The following CA10 variants were observed in gnomAD, a reference collection of about 807,000 sequenced individuals.
The protein encoded by CA10 is carbonic anhydrase-related protein 10.
In CA10, 14 loss-of-function variants were observed where a neutral mutation model predicts 44.2. The ratio of observed to expected loss-of-function variants is 0.32; its 90% CI spans 0.21 to 0.50. The LOEUF (loss-of-function observed/expected upper bound fraction) is 0.50. Ranked by LOEUF, CA10 falls within the 20% of genes least tolerant of loss-of-function variation. The pLI, the probability that CA10 is intolerant of heterozygous loss-of-function variation, is 0.99. For missense variants in CA10, 350 were observed against 409.7 expected, an observed-to-expected ratio of 0.85 and a Z score of 1.26; for synonymous variants, 159 against 141.6, an observed-to-expected ratio of 1.12 and a Z score of -0.87.
At chr17:51,729,359 C>T (rs895018701) in intron 4 of CA10, among the ~76,000 whole-genome samples, 1 of 151,804 alleles carries the variant, frequency 6.6e-6, no homozygotes, top group African/African-American at 2.4e-5. Context: ...GTGTGTATCA[C>T]CACACACACA....
At chr17:51,973,079 A>T (rs1013660038) in intron 2 of CA10, among the ~76,000 whole-genome samples, 5 of 152,324 alleles carry the variant, frequency 3.3e-5, no homozygotes, top group African/African-American at 1.2e-4. Flanking sequence ...TAGCATCACC[A>T]ATTTCAGTTC....
chr17:51,930,446 G>T (rs1257334957), intron 3 of CA10, among the ~76,000 whole-genome samples: 1 of 152,208 alleles, frequency 6.6e-6, no homozygotes, highest in East Asian at 1.9e-4. Context: ...GAGGGATTTA[G>T]GTGTGAGAAT....
intron 3 of CA10, among the ~76,000 whole-genome samples, chr17:51,860,938 T>C (rs1447006060): frequency 2.0e-5 from 3 of 152,290 alleles, no homozygotes; most frequent in African/African-American, 7.2e-5. Context: ...CTGTGGGCTG[T>C]ATTGCGCTGA....
At chr17:51,871,394 A>ATTTTTTT (rs11438821) in intron 3 of CA10, among the ~76,000 whole-genome samples, 2 of 81,294 alleles carry the variant, frequency 2.5e-5, no homozygotes, top group Non-Finnish European at 4.4e-5. Context: ...ACCAGGCCTA[A>ATTTTTTT]TTTTTTTTTT....
At chr17:51,787,634 G>T (rs143930692) in intron 3 of CA10, among the ~76,000 whole-genome samples, 1 of 151,976 alleles carries the variant, frequency 6.6e-6, no homozygotes, top group Non-Finnish European at 1.5e-5. Flanking sequence ...TGGACTACAG[G>T]TGCACACCAC....
intron 3 of CA10, among the ~76,000 whole-genome samples, chr17:51,876,915 T>C (rs1980106866): frequency 6.6e-6 from 1 of 152,196 alleles, no homozygotes; most frequent in Non-Finnish European, 1.5e-5. Context: ...TTTTTTGCCA[T>C]TCTGTAATTA....
At chr17:51,927,471 C>A (rs1982479191) in intron 3 of CA10, among the ~76,000 whole-genome samples, 1 of 152,148 alleles carries the variant, frequency 6.6e-6, no homozygotes, top group African/African-American at 2.4e-5. Context: ...AAACTCACGA[C>A]CTTTCAATAC....
At chr17:51,954,861 G>A (rs774782479) in intron 2 of CA10, among the ~76,000 whole-genome samples, 1 of 152,196 alleles carries the variant, frequency 6.6e-6, no homozygotes, top group Non-Finnish European at 1.5e-5. Flanking sequence ...CGTGTCGAGG[G>A]ATGAGGCTTC....
At chr17:51,995,925 T>C (rs73987350) in intron 2 of CA10, among the ~76,000 whole-genome samples, 2,724 of 152,136 alleles carry the variant, frequency 0.018, 87 homozygotes, top group African/African-American at 0.062. Context: ...TTTCTCTCAA[T>C]CAACTTCCCA....
At chr17:52,120,755 G>T (rs1228015036) in intron 1 of CA10, among the ~76,000 whole-genome samples, 1 of 152,190 alleles carries the variant, frequency 6.6e-6, no homozygotes, top group East Asian at 1.9e-4. Context: ...GGGGGAGAAG[G>T]CTAGCCTCTT....
At chr17:52,104,229 G>A (rs970604996) in intron 1 of CA10, among the ~76,000 whole-genome samples, 2 of 149,848 alleles carry the variant, frequency 1.3e-5, no homozygotes, top group Admixed American at 6.7e-5. Context: ...TCTGGTTCTG[G>A]CTCTGTCACC....
intron 6 of CA10, 82 bp from the exon 7 acceptor site, chr17:51,636,091 TATACATATAC>T: frequency 1.8e-6 from 1 of 545,958 alleles, no homozygotes; most frequent in Non-Finnish European, 3.0e-6. Context: ...CATACATACA[TATACATATAC>T]ATATACATAC....
At chr17:52,067,115 GA>G (rs1418169280) in intron 2 of CA10, among the ~76,000 whole-genome samples, 1 of 152,228 alleles carries the variant, frequency 6.6e-6, no homozygotes, top group Non-Finnish European at 1.5e-5. Context: ...AGACAATGGG[GA>G]AAATGTCTCC....
At chr17:51,713,029 T>C (rs1440173375) in intron 4 of CA10, among the ~76,000 whole-genome samples, 1 of 152,218 alleles carries the variant, frequency 6.6e-6, no homozygotes, top group Non-Finnish European at 1.5e-5. Flanking sequence ...AAGCTATCTC[T>C]GGTTCTAGAG....
rs566374812 is a variant in CA10 at position 52,032,143 on chromosome 17, C to T, written c.136+40176G>A. 4.9e-4 allele frequency among the ~76,000 whole-genome samples: 75 copies of T among 152,264 alleles called. 1 individual carries two copies. The highest frequency in any genetic ancestry group is 3.0e-3 in the Admixed American group (46 of 15,290). ...CACTATCACTACAGCCCAGTGAATG[C>T]TTTAAATCCCAGACATGGTTAAAAA... On this transcript the variant is annotated intron_variant, in intron 2 of 8. Transcript: ENST00000451037.
intron 2 of CA10, among the ~76,000 whole-genome samples, chr17:51,953,280 T>A (rs1477945926): frequency 6.6e-6 from 1 of 152,130 alleles, no homozygotes; most frequent in African/African-American, 2.4e-5. Context: ...ATTGAAAAAC[T>A]TTTTTCCTAA....
chr17:51,687,935 T>C (rs1430785648), intron 4 of CA10, among the ~76,000 whole-genome samples: 1 of 152,234 alleles, frequency 6.6e-6, no homozygotes, highest in Admixed American at 6.5e-5. Flanking sequence ...TTCCCTCTCA[T>C]GTTGCGTAGA....
chr17:52,068,898 T>C (rs1292171512), intron 2 of CA10, among the ~76,000 whole-genome samples: 1 of 152,146 alleles, frequency 6.6e-6, no homozygotes, highest in Non-Finnish European at 1.5e-5. Context: ...ATCAACAGAA[T>C]GGGGTGACAG....
chr17:52,041,605 A>G (rs1986770426), intron 2 of CA10, among the ~76,000 whole-genome samples: 1 of 151,958 alleles, frequency 6.6e-6, no homozygotes, highest in Non-Finnish European at 1.5e-5. Context: ...CACAAGATCT[A>G]CTCCTTTCGT....
Sources: gnomAD v4.1 joint callset for allele counts (sites outside exome capture counted in the v4.1 genomes callset) on GRCh38, gnomAD v4.1.1 for gene constraint, MANE v1.5 for transcripts, NCBI Gene and HGNC (gene_info 2026-07-23, HGNC 2026-07-21) for gene names.